Variants in ATRNL1 observed in about 807,000 individuals in gnomAD.
ATRNL1 encodes attractin like 1, also known as attractin-like protein 1.
ATRNL1 carries 95 observed loss-of-function variants against 182.7 expected under a neutral mutation model. That is an observed-to-expected ratio of 0.52 (90% CI 0.44 to 0.62). The LOEUF (loss-of-function observed/expected upper bound fraction) is 0.62. ATRNL1 is among the 20% of genes least tolerant of loss of function. The pLI, the probability that ATRNL1 is intolerant of heterozygous loss-of-function variation, is 0.00. For missense variants in ATRNL1, 1,471 were observed against 1,679.5 expected (o/e 0.88, Z 2.17); for synonymous variants, 576 against 568.3 (o/e 1.01, Z -0.19).
chr10:115,496,016 A>G (rs11197244), intron 24 of ATRNL1, among the ~76,000 whole-genome samples: 63,939 of 151,976 alleles, frequency 0.42, 14,200 homozygotes, highest in Middle Eastern at 0.5. Context: ...TGTTGGGTGC[A>G]TATCTATTTA....
At chr10:115,857,490 T>C (rs1322935872) in intron 28 of ATRNL1, among the ~76,000 whole-genome samples, 2 of 152,240 alleles carry the variant, frequency 1.3e-5, no homozygotes, top group African/African-American at 4.8e-5. Context: ...ATAAATGTTT[T>C]TGTTTTGTTT....
chr10:115,440,994 A>ATT (rs137903415), intron 21 of ATRNL1, among the ~76,000 whole-genome samples: 1 of 150,614 alleles, frequency 6.6e-6, no homozygotes, highest in African/African-American at 2.4e-5. Flanking sequence ...GAATGTTCCC[A>ATT]TTTTTTTTTA....
chr10:115,194,223 T>C (rs1592239704), intron 8 of ATRNL1, among the ~76,000 whole-genome samples: 1 of 152,046 alleles, frequency 6.6e-6, no homozygotes, highest in South Asian at 2.1e-4. Context: ...GTAGTGCAGA[T>C]TAAGGTCTGA....
At chr10:115,724,108 G>A (rs1947521275) in intron 26 of ATRNL1, among the ~76,000 whole-genome samples, 1 of 152,066 alleles carries the variant, frequency 6.6e-6, no homozygotes, top group Non-Finnish European at 1.5e-5. Flanking sequence ...GGCTTCTTAT[G>A]GGTATACAAA....
chr10:115,754,865 T>A (rs1263981758), intron 27 of ATRNL1, among the ~76,000 whole-genome samples: 2 of 152,210 alleles, frequency 1.3e-5, no homozygotes, highest in African/African-American at 4.8e-5. Flanking sequence ...TTTGTCATTC[T>A]CCTTGAAGAG....
chr10:115,461,069 T>C (rs1392641805), intron 21 of ATRNL1, among the ~76,000 whole-genome samples: 1 of 152,132 alleles, frequency 6.6e-6, no homozygotes, highest in African/African-American at 2.4e-5. Context: ...AATGCCTTAA[T>C]AGTTTTAAAA....
intron 8 of ATRNL1, among the ~76,000 whole-genome samples, chr10:115,212,438 G>A (rs1349567260): frequency 1.3e-4 from 20 of 151,752 alleles, no homozygotes; most frequent in African/African-American, 4.6e-4. Context: ...AGACACTGTG[G>A]TATTTCTCAA....
chr10:115,384,644 AT>A (rs1306095841), intron 19 of ATRNL1, among the ~76,000 whole-genome samples: 3 of 150,184 alleles, frequency 2.0e-5, no homozygotes, highest in African/African-American at 4.9e-5. Flanking sequence ...TTTTTTCTTC[AT>A]TTTTTTTTCT....
intron 19 of ATRNL1, among the ~76,000 whole-genome samples, chr10:115,337,372 A>G (rs1554937057): frequency 5.9e-5 from 9 of 152,146 alleles, no homozygotes. Flanking sequence ...AAGTTATTTT[A>G]AAATGTACAA....
chr10:115,643,388 C>T (rs1383062668), intron 26 of ATRNL1, among the ~76,000 whole-genome samples: 1 of 151,930 alleles, frequency 6.6e-6, no homozygotes, highest in East Asian at 1.9e-4. Flanking sequence ...CTAAACAAAA[C>T]ACAGGAGAAA....
chr10:115,194,922 G>A (rs1160811680), intron 8 of ATRNL1, among the ~76,000 whole-genome samples: 3 of 150,926 alleles, frequency 2.0e-5, no homozygotes, highest in African/African-American at 7.3e-5. Flanking sequence ...ATTTTAAGCT[G>A]ATGACAAATT....
At chr10:115,206,274 T>C (rs1300791306) in intron 8 of ATRNL1, among the ~76,000 whole-genome samples, 7 of 152,158 alleles carry the variant, frequency 4.6e-5, no homozygotes, top group African/African-American at 1.4e-4. Context: ...GTTTAATTGT[T>C]ACATGCTTGG....
At chr10:115,249,345 A>C (rs1237312959) in intron 10 of ATRNL1, among the ~76,000 whole-genome samples, 1 of 152,108 alleles carries the variant, frequency 6.6e-6, no homozygotes, top group Non-Finnish European at 1.5e-5. Context: ...ATATACACAC[A>C]CACACACGTT....
intron 24 of ATRNL1, among the ~76,000 whole-genome samples, chr10:115,516,241 T>G (rs1159509855): frequency 6.6e-6 from 1 of 151,880 alleles, no homozygotes; most frequent in Non-Finnish European, 1.5e-5. Flanking sequence ...TAAGTAGAAA[T>G]ATCATCTTTC....
At chr10:115,243,547 C>T (rs556193507) in intron 10 of ATRNL1, among the ~76,000 whole-genome samples, 2 of 152,086 alleles carry the variant, frequency 1.3e-5, no homozygotes, top group South Asian at 2.1e-4. Flanking sequence ...AGGTAGTAGG[C>T]GGTAGATCTA....
Position 115,671,247 on chromosome 10 carries a change from A to G in ATRNL1, c.3796-56001A>G, listed in dbSNP as rs574056544. On this transcript the variant is annotated intron_variant, in intron 26 of 28. Coordinates refer to ENST00000355044, the MANE Select transcript of ATRNL1 (RefSeq NM_207303.4). ...TGAATTTCCTATCAAGTATTTTTCT[A>G]AGAACTGTTAATAAATGTCAAAATT... 7.2e-5 allele frequency among the ~76,000 whole-genome samples: 11 copies of G among 152,250 alleles called. No individual in the cohort carries two copies. In the South Asian group the frequency reaches 2.3e-3, roughly 32 times the overall value.
chr10:115,247,124 C>T (rs1317811167), intron 10 of ATRNL1, among the ~76,000 whole-genome samples: 2 of 151,986 alleles, frequency 1.3e-5, no homozygotes, highest in African/African-American at 4.8e-5. Flanking sequence ...CAAAAGGCCG[C>T]AACAGCACAG....
intron 8 of ATRNL1, among the ~76,000 whole-genome samples, chr10:115,196,000 T>G (rs1176280143): frequency 6.6e-6 from 1 of 152,016 alleles, no homozygotes; most frequent in Non-Finnish European, 1.5e-5. Flanking sequence ...AGGGCTGAGA[T>G]TTTTATAAAA....
At chr10:115,529,688 A>G (rs573838999) in intron 25 of ATRNL1, among the ~76,000 whole-genome samples, 20 of 152,206 alleles carry the variant, frequency 1.3e-4, no homozygotes, top group African/African-American at 4.8e-4. Flanking sequence ...AAAAACTTCA[A>G]AACTTTTACT....
Sources: gnomAD v4.1 joint callset for allele counts (sites outside exome capture counted in the v4.1 genomes callset) on GRCh38, gnomAD v4.1.1 for gene constraint, MANE v1.5 for transcripts, NCBI Gene and HGNC (gene_info 2026-07-23, HGNC 2026-07-21) for gene names.